The following EHD1 variants were observed in gnomAD, a reference collection of about 807,000 sequenced individuals.
The protein encoded by EHD1 is EH domain-containing protein 1.
EHD1 carries 19 observed loss-of-function variants against 39.0 expected under a neutral mutation model. The ratio of observed to expected loss-of-function variants is 0.49; its 90% CI spans 0.34 to 0.72. EHD1 has a LOEUF of 0.72. Ranked by LOEUF, EHD1 falls within the 30% of genes least tolerant of loss-of-function variation. The pLI, the probability that EHD1 is intolerant of heterozygous loss-of-function variation, is 0.01. For missense variants in EHD1, 542 were observed against 751.5 expected (o/e 0.72, Z 3.26); for synonymous variants, 323 against 331.2 (o/e 0.98, Z 0.27).
Position 64,854,612 on chromosome 11 carries a change from G to T in EHD1, c.1326C>A (p.Gly442=). ...TCTCGTCGTAGGTGGGCTTGTCCTT[G>T]CCCACCACCCACTCCACGTCGTCGA... The part of the protein sequence containing the change: ...EGIDDVEWVV[G]KDKPTYDEIF... Residue 442 remains glycine, a synonymous_variant, in exon 5 of 5, where the codon GGC becomes GGA. Transcript: ENST00000320631. 6.2e-7 allele frequency: 1 copy of T among 1,614,014 alleles called. No homozygotes were observed. Among genetic ancestry groups the T allele is most frequent in the Non-Finnish European group, 8.5e-7 (1 of 1,179,974 alleles).
chr11:64,858,810 G>A (rs949962879), intron 3 of EHD1, among the ~76,000 whole-genome samples: 7 of 152,224 alleles, frequency 4.6e-5, no homozygotes, highest in African/African-American at 1.7e-4. Flanking sequence ...CAAGTACTTG[G>A]TCAGCCACTG....
intron 2 of EHD1, among the ~76,000 whole-genome samples, chr11:64,872,409 C>T (rs781719250): frequency 6.6e-6 from 1 of 152,082 alleles, no homozygotes; most frequent in African/African-American, 2.4e-5. Context: ...TGTAGTGAAC[C>T]GAGATCATGC....
chr11:64,874,662 C>T lies in EHD1; in HGVS notation c.405-144G>A, dbSNP rs1943866954. ...GAACTGACAGGTGGTTTTCTATCGT[C>T]TTAGTTTCCCGGGGTGGCCGGCAAA... is the stretch of plus-strand genomic sequence containing the variant. On this transcript the variant is annotated intron_variant, in intron 1 of 4. Coordinates refer to ENST00000320631, the MANE Select transcript of EHD1 (RefSeq NM_006795.4). 8 of 651,380 alleles carry T rather than the reference C, an allele frequency of 1.2e-5. 1 individual carries two copies. In the South Asian group the frequency reaches 1.8e-4, roughly 14 times the overall value. The allele number at this position is 651,380 out of a possible 1,614,324, so 40.4% of individuals were successfully genotyped here. A position where few individuals can be genotyped will look rare whatever the true frequency, so the allele number is the denominator to read the frequency against.
chr11:64,876,757 T>C (rs1943889368), intron 1 of EHD1, among the ~76,000 whole-genome samples: 1 of 152,224 alleles, frequency 6.6e-6, no homozygotes, highest in Non-Finnish European at 1.5e-5. Context: ...ATGTCTCTCC[T>C]TTCAAAAAAG....
upstream of EHD1, chr11:64,879,080 T>C: frequency 1.0e-6 from 1 of 998,706 alleles, no homozygotes; most frequent in Non-Finnish European, 1.2e-6. Flanking sequence ...AGCATCGGAG[T>C]ACCCCCAGGC....
At position 64,854,278 on chromosome 11, in the gene EHD1, C is replaced by T. The variant is rs577914472; in HGVS notation, c.*55G>A. 5.7e-4 allele frequency: 871 copies of T among 1,533,904 alleles called. 12 individuals are homozygous for T. Among genetic ancestry groups the T allele is most frequent in the Middle Eastern group, 1.8e-4 (1 of 5,714 alleles). ...GAGAAATGGTGAGGCTTCCCCTCCCCCCGTCTCTGCCTCCCGGCCGGGCGT... is the reference window on the plus strand; with the variant it reads ...GAGAAATGGTGAGGCTTCCCCTCCCTCCGTCTCTGCCTCCCGGCCGGGCGT... On this transcript the variant is annotated 3_prime_UTR_variant, in exon 5 of 5. Transcript: ENST00000320631.
At position 64,860,072 on chromosome 11, in the gene EHD1, G is replaced by T. The variant is rs1436803458; in HGVS notation, c.767C>A (p.Ser256Tyr). 2 of 1,614,176 alleles carry T rather than the reference G, an allele frequency of 1.2e-6. No homozygotes were observed. The highest frequency in any genetic ancestry group is 1.7e-6 in the Non-Finnish European group (2 of 1,180,036). The change falls in exon 3 of 5, where the codon TCC becomes TAC. Residue 256 changes from serine to tyrosine, a missense_variant. Transcript: ENST00000320631. ...TPEVVRVYIG[S>Y]FWSHPLLIPD... ...GATGAGGAGCGGGTGGGACCAGAAG[G>T]AGCCGATGTAGACCCTGACCACCTC...
intron 4 of EHD1, 162 bp from the exon 5 acceptor site, chr11:64,855,019 C>T: frequency 2.1e-6 from 2 of 954,208 alleles, no homozygotes; most frequent in Non-Finnish European, 1.5e-6. Flanking sequence ...CTAACCTGTA[C>T]ACAGGAGGCA....
Position 64,878,593 on chromosome 11 carries a change from C to A in EHD1, c.-129G>T. 5.6e-6 allele frequency: 8 copies of A among 1,428,200 alleles called. No homozygotes were observed. The highest frequency in any genetic ancestry group is 3.0e-5 in the South Asian group (2 of 67,588). The allele number at this position is 1,428,200 out of a possible 1,614,324, so 88.5% of individuals were successfully genotyped here. A position where few individuals can be genotyped will look rare whatever the true frequency, so the allele number is the denominator to read the frequency against. ...GACCCACACTGCGCAGGCGCACAGC[C>A]CAGCCCGTCGAAGCGCCCTCTGCCG... On this transcript the variant is annotated 5_prime_UTR_variant, in exon 1 of 5. Transcript: ENST00000320631.
At chr11:64,866,223 G>C (rs142727618) in intron 2 of EHD1, among the ~76,000 whole-genome samples, 2 of 152,116 alleles carry the variant, frequency 1.3e-5, no homozygotes, top group South Asian at 2.1e-4. Flanking sequence ...GATGGAGCTG[G>C]AGACCATTAT....
chr11:64,872,826 G>A (rs987749909), intron 2 of EHD1, among the ~76,000 whole-genome samples: 1 of 152,188 alleles, frequency 6.6e-6, no homozygotes, highest in Non-Finnish European at 1.5e-5. Flanking sequence ...TGCCCTCACA[G>A]CCCTAGCAGA....
At chr11:64,867,748 T>A (rs1943783695) in intron 2 of EHD1, among the ~76,000 whole-genome samples, 1 of 152,188 alleles carries the variant, frequency 6.6e-6, no homozygotes, top group Non-Finnish European at 1.5e-5. Context: ...AAAAAAAAGA[T>A]TAAAATGGTA....
Position 64,852,330 on chromosome 11 carries a change from CCA to C in EHD1, c.*2001_*2002del, listed in dbSNP as rs773378878. The C allele has an allele frequency of 1.3e-5, 2 of 152,120 alleles. No homozygotes were observed. The highest frequency in any genetic ancestry group is 2.9e-5 in the Non-Finnish European group (2 of 68,040). 9.4% of individuals were successfully genotyped at this position (152,120 alleles called of 1,614,324 possible). On this transcript the variant is annotated 3_prime_UTR_variant, in exon 5 of 5. Coordinates refer to ENST00000320631, the MANE Select transcript of EHD1 (RefSeq NM_006795.4). ...AACCGTCCTTGGGGCTAGCAAGGAG[CCA>C]GTCTGGCTCCAAAGCCCAGAAACCC... is the stretch of plus-strand genomic sequence containing the variant.
chr11:64,878,205 C>A lies in EHD1; in HGVS notation c.260G>T (p.Arg87Leu), dbSNP rs1047130806. The change falls in exon 1 of 5, where the codon CGC becomes CTC. Residue 87 changes from arginine to leucine, a missense_variant. Arg to Leu is a moderately radical substitution (Grantham distance 102). Transcript: ENST00000320631. ...HLIEQDFPGM[R>L]IGPEPTTDSF... is the part of the protein sequence containing the mutation. ...GTCGGTGGTGGGCTCGGGCCCGATGCGCATCCCCGGGAAGTCCTGCTCGAT... is the reference window on the plus strand; with the variant it reads ...GTCGGTGGTGGGCTCGGGCCCGATGAGCATCCCCGGGAAGTCCTGCTCGAT... The A allele has an allele frequency of 3.1e-6, 5 of 1,611,966 alleles. No homozygotes were observed. The highest frequency in any genetic ancestry group is 1.1e-5 in the South Asian group (1 of 91,064).
intron 3 of EHD1, 75 bp downstream of exon 3, chr11:64,859,849 G>T: frequency 6.5e-7 from 1 of 1,529,980 alleles, no homozygotes; most frequent in East Asian, 2.3e-5. Flanking sequence ...GGGCAATCCT[G>T]GGGCCCTGAG....
At chr11:64,857,154 G>A (rs1274747869) in intron 3 of EHD1, among the ~76,000 whole-genome samples, 1 of 152,240 alleles carries the variant, frequency 6.6e-6, no homozygotes, top group East Asian at 1.9e-4. Context: ...GCCGGGCGCG[G>A]TGGCTCACGC....
At chr11:64,856,063 C>A (rs1162559279) in intron 3 of EHD1, 4 of 157,440 alleles carry the variant, frequency 2.5e-5, no homozygotes, top group South Asian at 3.1e-4. Context: ...CACAGCCCTG[C>A]GGGGTGGGAT....
chr11:64,858,454 G>A (rs984360313), intron 3 of EHD1, among the ~76,000 whole-genome samples: 4 of 152,088 alleles, frequency 2.6e-5, no homozygotes, highest in Non-Finnish European at 5.9e-5. Flanking sequence ...CTCCCAAAGT[G>A]CTGGAATTAC....
intron 3 of EHD1, 58 bp downstream of exon 3, chr11:64,859,866 T>C: frequency 6.4e-7 from 1 of 1,552,318 alleles, no homozygotes; most frequent in African/African-American, 1.4e-5. Flanking sequence ...TGAGTGCCAG[T>C]CTCAGAGCCC....
Sources: gnomAD v4.1 joint callset for allele counts (sites outside exome capture counted in the v4.1 genomes callset) on GRCh38, gnomAD v4.1.1 for gene constraint, MANE v1.5 for transcripts, NCBI Gene and HGNC (gene_info 2026-07-23, HGNC 2026-07-21) for gene names.